ESRRG: variants seen among roughly 807,000 people sequenced by gnomAD.
The protein encoded by ESRRG is estrogen-related receptor gamma.
In ESRRG, 13 loss-of-function variants were observed where a neutral mutation model predicts 44.0. That is an observed-to-expected ratio of 0.30 (90% CI 0.19 to 0.47). The LOEUF is 0.47. ESRRG is among the 20% of genes least tolerant of loss of function. The pLI, the probability that ESRRG is intolerant of heterozygous loss-of-function variation, is 1.00. For missense variants in ESRRG, 395 were observed against 580.6 expected, an observed-to-expected ratio of 0.68 and a Z score of 3.29; for synonymous variants, 215 against 214.6, an observed-to-expected ratio of 1.00 and a Z score of -0.02.
chr1:216,660,823 C>T (rs2072148265), intron 2 of ESRRG, among the ~76,000 whole-genome samples: 1 of 152,040 alleles, frequency 6.6e-6, no homozygotes, highest in Non-Finnish European at 1.5e-5. Context: ...AAAAGAAATC[C>T]CTTAACTTGT....
chr1:216,787,184 A>C (rs1167448220), intron 2 of ESRRG, among the ~76,000 whole-genome samples: 1 of 152,134 alleles, frequency 6.6e-6, no homozygotes, highest in Non-Finnish European at 1.5e-5. Context: ...ACAAGCCAGG[A>C]AACTTAATTG....
At chr1:217,050,198 G>T (rs1454316012) in intron 1 of ESRRG, among the ~76,000 whole-genome samples, 1 of 151,228 alleles carries the variant, frequency 6.6e-6, no homozygotes, top group Non-Finnish European at 1.5e-5. Context: ...ATTTGAGCTG[G>T]GGGGGTGAAA....
At chr1:216,633,924 C>T (rs1458727385) in intron 3 of ESRRG, among the ~76,000 whole-genome samples, 1 of 152,102 alleles carries the variant, frequency 6.6e-6, no homozygotes, top group Non-Finnish European at 1.5e-5. Flanking sequence ...CTCTCAATAG[C>T]TCTAAACAAT....
At chr1:216,821,687 G>GAAAAAAAAA (rs1251334274) in intron 2 of ESRRG, among the ~76,000 whole-genome samples, 13 of 54,230 alleles carry the variant, frequency 2.4e-4, no homozygotes, top group South Asian at 7.8e-4. Flanking sequence ...CCTGCCTCAG[G>GAAAAAAAAA]AAAAATAAAT....
intron 5 of ESRRG, among the ~76,000 whole-genome samples, chr1:216,545,245 T>A (rs1357188397): frequency 6.6e-6 from 1 of 150,556 alleles, no homozygotes; most frequent in Non-Finnish European, 1.5e-5. Flanking sequence ...TTTTTTTTTT[T>A]AAAGACAGGA....
chr1:216,644,395 G>A (rs555740975), intron 3 of ESRRG, among the ~76,000 whole-genome samples: 2 of 148,136 alleles, frequency 1.4e-5, no homozygotes, highest in South Asian at 2.2e-4. Context: ...GAGCATCTCT[G>A]TAATTAAAAG....
At chr1:217,073,162 T>G (rs1390776316) in intron 1 of ESRRG, among the ~76,000 whole-genome samples, 1 of 128,546 alleles carries the variant, frequency 7.8e-6, no homozygotes, top group South Asian at 2.4e-4. Flanking sequence ...TCTCTAGAGA[T>G]CTCTGCTGGC....
intron 1 of ESRRG, among the ~76,000 whole-genome samples, chr1:217,007,846 GA>G (rs140418447): frequency 2.6e-5 from 4 of 152,010 alleles, no homozygotes; most frequent in Non-Finnish European, 5.9e-5. Context: ...AATAAGGGGG[GA>G]AAAATCCCAA....
chr1:217,125,479 T>C (rs2092878026), intron 1 of ESRRG, among the ~76,000 whole-genome samples: 1 of 152,224 alleles, frequency 6.6e-6, no homozygotes, highest in African/African-American at 2.4e-5. Flanking sequence ...TGTTGACATC[T>C]TCCCTCCATA....
chr1:217,019,307 C>T (rs1424176373), intron 1 of ESRRG, among the ~76,000 whole-genome samples: 1 of 152,148 alleles, frequency 6.6e-6, no homozygotes, highest in Non-Finnish European at 1.5e-5. Flanking sequence ...AGTTGCAAAG[C>T]TTTCAGAGAG....
At chr1:216,843,738 C>T (rs997139052) in intron 2 of ESRRG, among the ~76,000 whole-genome samples, 1 of 152,130 alleles carries the variant, frequency 6.6e-6, no homozygotes, top group East Asian at 1.9e-4. Flanking sequence ...ATTGAAACAC[C>T]TATTGAGGTA....
rs114020167 is a variant in ESRRG at position 216,662,787 on chromosome 1, G to T, written c.473-11698C>A. Among the ~76,000 whole-genome samples, 473 of 152,234 alleles carry T rather than the reference G, an allele frequency of 3.1e-3. 3 individuals carry two copies. The highest frequency in any genetic ancestry group is 8.4e-3 in the African/African-American group (351 of 41,560). ...ATTGTACATATTTTTGTCTTTGCAG[G>T]TCATTCAGTCTCTGCTGTGACTCCT... is the stretch of plus-strand genomic sequence containing the variant. On this transcript the variant is annotated intron_variant, in intron 2 of 6. Transcript: ENST00000408911.
chr1:216,826,265 G>A (rs183260119), intron 2 of ESRRG, among the ~76,000 whole-genome samples: 13 of 151,264 alleles, frequency 8.6e-5, no homozygotes, highest in Non-Finnish European at 1.9e-4. Context: ...ATGCACATTA[G>A]ATAAAGTTAC....
intron 3 of ESRRG, among the ~76,000 whole-genome samples, chr1:216,606,687 A>G (rs1410141275): frequency 1.3e-5 from 2 of 152,202 alleles, no homozygotes; most frequent in Admixed American, 1.3e-4. Flanking sequence ...AGGAACAAAA[A>G]TCAGTCACTT....
At position 216,723,404 on chromosome 1, in the gene ESRRG, G is replaced by A. The variant is rs552892200; in HGVS notation, c.-105C>T. The A allele has an allele frequency of 2.0e-5, 21 of 1,054,308 alleles. 1 individual carries two copies. In the Admixed American group the frequency reaches 3.7e-4, roughly 19 times the overall value. 65.3% of individuals were successfully genotyped at this position (1,054,308 alleles called of 1,614,324 possible). A position where few individuals can be genotyped will look rare whatever the true frequency, so the allele number is the denominator to read the frequency against. ...ATGTTCTCCTAGTGACAAGCCTATA[G>A]GCACAGCCAGTTGGGACCAAAGCTC... On this transcript the variant is annotated 5_prime_UTR_variant, in exon 1 of 7. Transcript: ENST00000408911.
rs577766072 is a variant in ESRRG at position 216,506,010 on chromosome 1, C to G, written c.*929G>C. On this transcript the variant is annotated 3_prime_UTR_variant, in exon 7 of 7. Coordinates refer to ENST00000408911, the MANE Select transcript of ESRRG (RefSeq NM_001438.4). ...ACAAAATTGCAGTATTCTTATTTCT[C>G]TTTAGTATTGCATGAATGAATAAAG... 1.3e-5 allele frequency: 2 copies of G among 152,698 alleles called. 1 individual carries two copies. The highest frequency in any genetic ancestry group is 4.1e-4 in the South Asian group (2 of 4,830). The allele number at this position is 152,698 out of a possible 1,614,324, so 9.5% of individuals were successfully genotyped here.
At chr1:216,552,440 T>C (rs531248125) in intron 5 of ESRRG, among the ~76,000 whole-genome samples, 1 of 152,296 alleles carries the variant, frequency 6.6e-6, no homozygotes, top group East Asian at 1.9e-4. Flanking sequence ...ATCTTAAGCA[T>C]CTTTATCCAT....
At position 216,584,457 on chromosome 1, in the gene ESRRG, C is replaced by T. The variant is rs113493718; in HGVS notation, c.590-16359G>A. On this transcript the variant is annotated intron_variant, in intron 3 of 6. Transcript: ENST00000408911. ...ATTTTTAGCAGAGACGGGGTTTCACCGTGTTGGCCAGGATGGTCTCGATCT... is the reference window on the plus strand; with the variant it reads ...ATTTTTAGCAGAGACGGGGTTTCACTGTGTTGGCCAGGATGGTCTCGATCT... 1.5e-3 allele frequency among the ~76,000 whole-genome samples: 222 copies of T among 152,118 alleles called. 1 individual carries two copies. The highest frequency in any genetic ancestry group is 5.1e-3 in the African/African-American group (210 of 41,476).
chr1:216,582,502 C>T (rs1213462648), intron 3 of ESRRG, among the ~76,000 whole-genome samples: 1 of 152,194 alleles, frequency 6.6e-6, no homozygotes, highest in East Asian at 1.9e-4. Flanking sequence ...AATGCAGTGG[C>T]GTGATCTCAG....
Sources: allele counts gnomAD v4.1 joint callset (sites outside exome capture counted in the v4.1 genomes callset), GRCh38; gene constraint gnomAD v4.1.1; transcripts MANE v1.5; gene names NCBI Gene and HGNC (gene_info 2026-07-23, HGNC 2026-07-21).